The following EPAS1 variants were observed in gnomAD, a reference collection of about 807,000 sequenced individuals.
EPAS1 encodes endothelial PAS domain-containing protein 1.
Under a neutral mutation model 87.9 loss-of-function variants are expected in EPAS1, and 23 were observed. That is an observed-to-expected ratio of 0.26 (90% CI 0.19 to 0.37). The LOEUF is 0.37. EPAS1 is among the 10% of genes least tolerant of loss of function. The probability of loss-of-function intolerance (pLI) is 1.00; values close to 1 mark genes in which losing one functional copy is unlikely to be tolerated. For missense variants in EPAS1, 1,138 were observed against 1,120.7 expected (o/e 1.02, Z -0.22); for synonymous variants, 508 against 444.3 (o/e 1.14, Z -1.80).
chr2:46,381,006 C>T (rs1047202644), intron 12 of EPAS1, among the ~76,000 whole-genome samples: 5 of 152,192 alleles, frequency 3.3e-5, no homozygotes, highest in Admixed American at 1.3e-4. Context: ...TTTCGTATCT[C>T]GGTTCATCAT....
chr2:46,307,177 C>T (rs1014286166), intron 1 of EPAS1, among the ~76,000 whole-genome samples: 1 of 152,214 alleles, frequency 6.6e-6, no homozygotes, highest in African/African-American at 2.4e-5. Context: ...TGGCAGCGTT[C>T]ACTCCAGAGC....
rs1164044545 is a variant in EPAS1 at position 46,355,975 on chromosome 2, T to C, written c.218-176T>C. 4.6e-5 allele frequency: 32 copies of C among 699,328 alleles called. 1 individual carries two copies. The highest frequency in any genetic ancestry group is 3.9e-4 in the South Asian group (24 of 62,012). 43.3% of individuals were successfully genotyped at this position (699,328 alleles called of 1,614,324 possible). ...TCACAGCTCCCGTCAGGGTGTCCTC[T>C]GTGCAGTGGTGCCTGCTGCCAGGCG... is the stretch of plus-strand genomic sequence containing the variant. On this transcript the variant is annotated intron_variant, in intron 2 of 15. Coordinates refer to ENST00000263734, the MANE Select transcript of EPAS1 (RefSeq NM_001430.5).
chr2:46,336,282 G>A (rs1683793082), intron 1 of EPAS1, among the ~76,000 whole-genome samples: 1 of 152,210 alleles, frequency 6.6e-6, no homozygotes, highest in Non-Finnish European at 1.5e-5. Context: ...GGAAGATGTT[G>A]TGTCTGTGCC....
intron 1 of EPAS1, among the ~76,000 whole-genome samples, chr2:46,314,782 A>G (rs1683279628): frequency 6.6e-6 from 1 of 152,210 alleles, no homozygotes; most frequent in African/African-American, 2.4e-5. Context: ...GTTCTGTTGG[A>G]ATAGAGGGGC....
rs1323043857 is a variant in EPAS1 at position 46,346,375 on chromosome 2, G to A, written c.27-498G>A. 6.6e-6 allele frequency among the ~76,000 whole-genome samples: 1 copy of A among 152,186 alleles called. No homozygotes were observed. Among genetic ancestry groups the A allele is most frequent in the African/African-American group, 2.4e-5 (1 of 41,442 alleles). ...GAAATCACTTTCTGGTATGAAGCGGGATCTAGGGTTCAGTACTACTCTTAA... is the reference window on the plus strand; with the variant it reads ...GAAATCACTTTCTGGTATGAAGCGGAATCTAGGGTTCAGTACTACTCTTAA... On this transcript the variant is annotated intron_variant, in intron 1 of 15. Transcript: ENST00000263734. The surrounding 1 kb of genome is among the most constrained non-coding windows in gnomAD (Gnocchi z 4.0).
chr2:46,347,784 C>T lies in EPAS1; in HGVS notation c.217+721C>T, dbSNP rs1373949632. 2.0e-5 allele frequency among the ~76,000 whole-genome samples: 3 copies of T among 152,186 alleles called. No individual in the cohort carries two copies. The highest frequency in any genetic ancestry group is 4.4e-5 in the Non-Finnish European group (3 of 68,042). ...ATTCTTCAAGAAACCATTTCCTATG[C>T]GTCCTGACCAGAAACAGGTGTCTTG... is the stretch of plus-strand genomic sequence containing the variant. On this transcript the variant is annotated intron_variant, in intron 2 of 15. Coordinates refer to ENST00000263734, the MANE Select transcript of EPAS1 (RefSeq NM_001430.5). The surrounding 1 kb of genome is among the most constrained non-coding windows in gnomAD (Gnocchi z 4.2).
intron 1 of EPAS1, among the ~76,000 whole-genome samples, chr2:46,344,910 T>C (rs1683992041): frequency 6.6e-6 from 1 of 152,240 alleles, no homozygotes; most frequent in African/African-American, 2.4e-5. Flanking sequence ...TTAAATGAAG[T>C]ATGTTGTAAA....
chr2:46,297,960 CA>C (rs1309057891), intron 1 of EPAS1, 23 bp downstream of exon 1: 2 of 1,611,110 alleles, frequency 1.2e-6, no homozygotes, highest in Admixed American at 1.7e-5. Flanking sequence ...CCGGGCCGAT[CA>C]GGGGGCCGGT....
In EPAS1 at chr2:46,353,746, G is replaced by A. The variant is rs867791403; in HGVS notation, c.218-2405G>A. Among the ~76,000 whole-genome samples the A allele has an allele frequency of 2.6e-5, 4 of 152,332 alleles. No individual in the cohort carries two copies. The Middle Eastern group carries it at 0.01, about 389-fold the overall frequency. Reference sequence around the variant, plus strand: ...ACAGGTGTATCAGCAGAAACCCCAAGCAGGGATCAGGTGTGCGTATGTGTA... The same window carrying A: ...ACAGGTGTATCAGCAGAAACCCCAAACAGGGATCAGGTGTGCGTATGTGTA... On this transcript the variant is annotated intron_variant, in intron 2 of 15. Transcript: ENST00000263734.
chr2:46,375,943 C>G lies in EPAS1; in HGVS notation c.1034+106C>G, dbSNP rs1684736151. 2 of 1,476,120 alleles carry G rather than the reference C, an allele frequency of 1.4e-6. No individual in the cohort carries two copies. The highest frequency in any genetic ancestry group is 3.4e-5 in the Admixed American group (2 of 59,454). The allele number at this position is 1,476,120 out of a possible 1,614,324, so 91.4% of individuals were successfully genotyped here. A position where few individuals can be genotyped will look rare whatever the true frequency, so the allele number is the denominator to read the frequency against. On this transcript the variant is annotated intron_variant, in intron 8 of 15. Transcript: ENST00000263734. This position sits in a 1 kb window ranked among gnomAD's most constrained non-coding sequence, Gnocchi z 4.1. ...AGGAGATGCCAGGCCTCTCAGCGCCCTGGGCACCACCTCAGGGAGGTCTTG... is the reference window on the plus strand; with the variant it reads ...AGGAGATGCCAGGCCTCTCAGCGCCGTGGGCACCACCTCAGGGAGGTCTTG...
chr2:46,337,206 G>A (rs1683812092), intron 1 of EPAS1, among the ~76,000 whole-genome samples: 2 of 152,168 alleles, frequency 1.3e-5, no homozygotes, highest in South Asian at 2.1e-4. Flanking sequence ...AAGAGTATGT[G>A]GTCTAGTTAG....
intron 6 of EPAS1, among the ~76,000 whole-genome samples, chr2:46,366,084 C>T (rs1365190181): frequency 6.6e-6 from 1 of 151,094 alleles, no homozygotes; most frequent in South Asian, 2.1e-4. Flanking sequence ...CCAGATCTTG[C>T]GTGACTCCAG....
Position 46,360,810 on chromosome 2 carries a change from C to T in EPAS1, c.573+54C>T, listed in dbSNP as rs1296574922. The T allele has an allele frequency of 1.9e-6, 3 of 1,610,878 alleles. No individual in the cohort carries two copies. The highest frequency in any genetic ancestry group is 2.2e-5 in the South Asian group (2 of 90,994). ...TCCCAGGTGTAGGGTAACGGCGGTG[C>T]AGGGGATGCCTAAGGCCCTACCCCC... On this transcript the variant is annotated intron_variant, in intron 5 of 15. Transcript: ENST00000263734. This position sits in a 1 kb window ranked among gnomAD's most constrained non-coding sequence, Gnocchi z 4.5.
In EPAS1 at chr2:46,337,854, CT is replaced by C. The variant is rs765508066; in HGVS notation, c.27-9009del. ...TAGACTCCGCAAGCAAAGCACAAAC[CT>C]TTTTTTTTTCTTTTTCTTTTAAAGA... On this transcript the variant is annotated intron_variant, in intron 1 of 15. Coordinates refer to ENST00000263734, the MANE Select transcript of EPAS1 (RefSeq NM_001430.5). Among the ~76,000 whole-genome samples, 272 of 149,886 alleles carry C rather than the reference CT, an allele frequency of 1.8e-3. 1 individual carries two copies. The highest frequency in any genetic ancestry group is 5.9e-4 in the East Asian group (3 of 5,118).
At chr2:46,343,192 C>T (rs894215669) in intron 1 of EPAS1, among the ~76,000 whole-genome samples, 4 of 152,180 alleles carry the variant, frequency 2.6e-5, no homozygotes, top group African/African-American at 9.7e-5. Flanking sequence ...TTAGTCCCTT[C>T]TTCCCCCGCC....
In EPAS1 at chr2:46,375,614, C is replaced by T. The variant is rs151075538; in HGVS notation, c.887-76C>T. The T allele has an allele frequency of 2.2e-3, 3,361 of 1,546,168 alleles. 45 individuals are homozygous for T. Among genetic ancestry groups the T allele is most frequent in the East Asian group, 0.02 (850 of 41,542 alleles). On this transcript the variant is annotated intron_variant, in intron 7 of 15. Coordinates refer to ENST00000263734, the MANE Select transcript of EPAS1 (RefSeq NM_001430.5). The surrounding 1 kb of genome is among the most constrained non-coding windows in gnomAD (Gnocchi z 4.1). ...TTCCCCTGCAGATTAGACTGCCCTC[C>T]CATGCGATCTGCTGAGCCTGTGGTG...
chr2:46,363,188 A>T (rs1481760174), intron 6 of EPAS1, among the ~76,000 whole-genome samples: 1 of 152,204 alleles, frequency 6.6e-6, no homozygotes. Flanking sequence ...TAACATGGAC[A>T]ATCCCACTGC....
intron 1 of EPAS1, among the ~76,000 whole-genome samples, chr2:46,343,769 T>C (rs1683955979): frequency 6.6e-6 from 1 of 152,214 alleles, no homozygotes; most frequent in African/African-American, 2.4e-5. Flanking sequence ...AAAGCCACTA[T>C]CTCCTACAGT....
In EPAS1 at chr2:46,300,499, G is replaced by A. The variant is rs1372400531; in HGVS notation, c.26+2562G>A. ...GAGTTTGCTTTCTAAATGTTAGTTG[G>A]CTGGGTGTCCTTGATAGTACCAGTT... On this transcript the variant is annotated intron_variant, in intron 1 of 15. Coordinates refer to ENST00000263734, the MANE Select transcript of EPAS1 (RefSeq NM_001430.5). This position sits in a 1 kb window ranked among gnomAD's most constrained non-coding sequence, Gnocchi z 4.1. Among the ~76,000 whole-genome samples the A allele has an allele frequency of 6.6e-6, 1 of 152,202 alleles. No homozygotes were observed. Among genetic ancestry groups the A allele is most frequent in the African/African-American group, 2.4e-5 (1 of 41,448 alleles).
Sources: gnomAD v4.1 joint callset for allele counts (sites outside exome capture counted in the v4.1 genomes callset) on GRCh38, gnomAD v4.1.1 for gene constraint, Gnocchi (gnomAD v3.1) non-coding constraint, MANE v1.5 for transcripts, NCBI Gene and HGNC (gene_info 2026-07-23, HGNC 2026-07-21) for gene names.